NEK10: variants seen among roughly 807,000 people sequenced by gnomAD.
NEK10 encodes serine/threonine-protein kinase Nek10.
A neutral mutation model predicts 159.8 loss-of-function variants in NEK10; 122 were observed. The ratio of observed to expected loss-of-function variants is 0.76; its 90% CI spans 0.66 to 0.89. The LOEUF is 0.89. Among genes scored for constraint, NEK10 ranks in the 40% least tolerant of loss-of-function variants. NEK10 has a pLI of 0.00. For missense variants in NEK10, 1,342 were observed against 1,323.1 expected, an observed-to-expected ratio of 1.01 and a Z score of -0.22; for synonymous variants, 466 against 457.1, an observed-to-expected ratio of 1.02 and a Z score of -0.25.
intron 1 of NEK10, among the ~76,000 whole-genome samples, chr3:27,361,210 T>C (rs567939568): frequency 7.8e-4 from 119 of 152,344 alleles, no homozygotes; most frequent in African/African-American, 2.3e-3. Context: ...TCTGCAGATA[T>C]AAATGTAGGT....
At chr3:27,136,807 G>C (rs1280164709) in intron 31 of NEK10, among the ~76,000 whole-genome samples, 1 of 152,148 alleles carries the variant, frequency 6.6e-6, no homozygotes, top group Non-Finnish European at 1.5e-5. Context: ...GACAGAAAAG[G>C]CCACCACCAA....
chr3:27,137,501 G>A lies in NEK10; in HGVS notation c.2970+3981C>T, dbSNP rs545894380. ...TTAAAGCTATTTCCGTAACACTAAAGTTAAGAATGCTTTTTCCATATTTCT... is the reference window on the plus strand; with the variant it reads ...TTAAAGCTATTTCCGTAACACTAAAATTAAGAATGCTTTTTCCATATTTCT... On this transcript the variant is annotated intron_variant, in intron 31 of 35. Coordinates refer to ENST00000691995, the MANE Select transcript of NEK10 (RefSeq NM_001394966.1). 2.0e-5 allele frequency among the ~76,000 whole-genome samples: 3 copies of A among 152,148 alleles called. No individual in the cohort carries two copies. In the South Asian group the frequency reaches 6.2e-4, roughly 32 times the overall value.
chr3:27,360,239 G>C (rs1367329529), intron 1 of NEK10, among the ~76,000 whole-genome samples: 1 of 152,152 alleles, frequency 6.6e-6, no homozygotes, highest in Non-Finnish European at 1.5e-5. Flanking sequence ...AGAACATGCA[G>C]TATCAGGACG....
chr3:27,305,628 A>AAAAAT (rs1553627493), intron 11 of NEK10, among the ~76,000 whole-genome samples: 7 of 149,034 alleles, frequency 4.7e-5, no homozygotes, highest in African/African-American at 1.5e-4. Flanking sequence ...AAAAAAAAAA[A>AAAAAT]AATAATAATA....
chr3:27,217,425 C>T (rs570875089), intron 23 of NEK10, among the ~76,000 whole-genome samples: 1 of 152,202 alleles, frequency 6.6e-6, no homozygotes, highest in East Asian at 1.9e-4. Flanking sequence ...TTCGCATGGC[C>T]AGAGCAGGAG....
chr3:27,132,410 C>A (rs1174186564), intron 31 of NEK10, among the ~76,000 whole-genome samples: 1 of 152,082 alleles, frequency 6.6e-6, no homozygotes, highest in South Asian at 2.1e-4. Context: ...CACTTTGGAC[C>A]AGGAAATACA....
intron 23 of NEK10, among the ~76,000 whole-genome samples, chr3:27,205,112 T>G (rs1261176099): frequency 3.3e-5 from 5 of 152,202 alleles, no homozygotes; most frequent in Non-Finnish European, 7.3e-5. Context: ...TGTCTTCTTT[T>G]GAGAAGTGTC....
chr3:27,285,481 A>C (rs1307748934), intron 20 of NEK10, among the ~76,000 whole-genome samples: 1 of 152,046 alleles, frequency 6.6e-6, no homozygotes, highest in Non-Finnish European at 1.5e-5. Context: ...GTTGAAAATA[A>C]CACACATGAT....
intron 22 of NEK10, among the ~76,000 whole-genome samples, chr3:27,275,737 T>C (rs1039355209): frequency 5.9e-5 from 9 of 152,136 alleles, no homozygotes; most frequent in Admixed American, 1.3e-4. Context: ...CAATACTAAC[T>C]CTTTTTTTTA....
chr3:27,335,214 C>A (rs2046710108), intron 5 of NEK10, among the ~76,000 whole-genome samples: 1 of 151,890 alleles, frequency 6.6e-6, no homozygotes, highest in South Asian at 2.1e-4. Flanking sequence ...GTGGCAGGCA[C>A]CTGTAATCCC....
chr3:27,322,840 G>T (rs1312524576), intron 5 of NEK10, among the ~76,000 whole-genome samples: 1 of 152,116 alleles, frequency 6.6e-6, no homozygotes, highest in Non-Finnish European at 1.5e-5. Context: ...CTAAAGGAAG[G>T]CAGGATGACC....
At chr3:27,233,340 G>C (rs901786498) in intron 23 of NEK10, among the ~76,000 whole-genome samples, 1 of 151,990 alleles carries the variant, frequency 6.6e-6, no homozygotes, top group African/African-American at 2.4e-5. Flanking sequence ...ACCATAATGA[G>C]ATACCACCTT....
rs936784947 is a variant in NEK10, at chr3:27,278,975, T to C, written c.2014+5627A>G. 3.7e-5 allele frequency: 35 copies of C among 952,744 alleles called. No homozygotes were observed. The East Asian group carries it at 8.1e-4, about 22-fold the overall frequency. 59.0% of individuals were successfully genotyped at this position (952,744 alleles called of 1,614,324 possible). ...CTGCAAATAAATGGAGAACAAGACC[T>C]GAACATGTGTCATGGCACATGCCAT... is the stretch of plus-strand genomic sequence containing the variant. On this transcript the variant is annotated intron_variant, in intron 22 of 35. Coordinates refer to ENST00000691995, the MANE Select transcript of NEK10 (RefSeq NM_001394966.1).
intron 13 of NEK10, among the ~76,000 whole-genome samples, chr3:27,299,597 T>C (rs1046727331): frequency 1.3e-5 from 2 of 152,118 alleles, no homozygotes; most frequent in African/African-American, 4.8e-5. Context: ...CACTGACAAG[T>C]GTGCACAGTG....
intron 23 of NEK10, among the ~76,000 whole-genome samples, chr3:27,231,941 TATCC>T (rs1953325905): frequency 6.6e-6 from 1 of 151,864 alleles, no homozygotes; most frequent in Non-Finnish European, 1.5e-5. Context: ...CTACTGAAAC[TATCC>T]CAAAGATAGA....
intron 5 of NEK10, among the ~76,000 whole-genome samples, chr3:27,332,079 G>A (rs2046458681): frequency 1.3e-5 from 2 of 152,254 alleles, no homozygotes; most frequent in East Asian, 1.9e-4. Flanking sequence ...ATTCTAGAAC[G>A]ATAGTACCAG....
chr3:27,180,431 G>A (rs1947960631), intron 26 of NEK10, among the ~76,000 whole-genome samples: 2 of 149,442 alleles, frequency 1.3e-5, no homozygotes, highest in African/African-American at 2.5e-5. Context: ...GGGAGGGGAG[G>A]GGAGGGGAAG....
chr3:27,362,494 T>C (rs1268101034), intron 1 of NEK10, among the ~76,000 whole-genome samples: 1 of 152,000 alleles, frequency 6.6e-6, no homozygotes, highest in African/African-American at 2.4e-5. Context: ...AGAGTGTCCA[T>C]GGAATTCAAA....
At chr3:27,345,970 C>CA (rs560397314) in intron 4 of NEK10, 116 bp downstream of exon 4, 82 of 392,724 alleles carry the variant, frequency 2.1e-4, no homozygotes, top group African/African-American at 1.2e-3. Flanking sequence ...AATTAAGAAT[C>CA]GCTATGGTAA....
Sources: gnomAD v4.1 joint callset for allele counts (sites outside exome capture counted in the v4.1 genomes callset) on GRCh38, gnomAD v4.1.1 for gene constraint, MANE v1.5 for transcripts, NCBI Gene and HGNC (gene_info 2026-07-23, HGNC 2026-07-21) for gene names.